The following ENOSF1 variants were observed in gnomAD, a reference collection of about 807,000 sequenced individuals.
ENOSF1 encodes the protein enolase superfamily member 1.
ENOSF1 carries 73 observed loss-of-function variants against 68.2 expected under a neutral mutation model. The observed-to-expected ratio is 1.07, with a 90% CI of 0.89 to 1.30. The LOEUF (loss-of-function observed/expected upper bound fraction) is 1.30, where lower values mean the gene tolerates loss of function less well. ENOSF1 is among the 50% of genes most tolerant of loss of function. The probability of loss-of-function intolerance (pLI) is 0.00; values close to 1 mark genes in which losing one functional copy is unlikely to be tolerated. For missense variants in ENOSF1, 589 were observed against 554.5 expected, an observed-to-expected ratio of 1.06 and a Z score of -0.62; for synonymous variants, 223 against 210.4, an observed-to-expected ratio of 1.06 and a Z score of -0.52.
intron 1 of ENOSF1, among the ~76,000 whole-genome samples, chr18:709,674 G>A (rs369928858): frequency 6.6e-6 from 1 of 152,060 alleles, no homozygotes; most frequent in East Asian, 1.9e-4. Flanking sequence ...CAGAGGCTGA[G>A]GTACGAGAAT....
intron 1 of ENOSF1, chr18:706,815 A>ATTTTTTTTTTTTTTTTTTTT (rs71297337): frequency 7.6e-6 from 1 of 130,946 alleles, no homozygotes; most frequent in Non-Finnish European, 1.6e-5. Flanking sequence ...ATATATATAT[A>ATTTTTTTTTTTTTTTTTTTT]TTTTTTTTTT....
At chr18:692,672 A>T in intron 5 of ENOSF1, 1 of 984,920 alleles carries the variant, frequency 1.0e-6, no homozygotes, top group Non-Finnish European at 1.2e-6. Flanking sequence ...AGGATCCAAA[A>T]ATGGAGGGTC....
At chr18:688,992 A>G (rs1260348058) in intron 8 of ENOSF1, among the ~76,000 whole-genome samples, 1 of 152,170 alleles carries the variant, frequency 6.6e-6, no homozygotes, top group Non-Finnish European at 1.5e-5. Flanking sequence ...AAGGAGAAAC[A>G]GTAATAAATC....
chr18:675,035 C>G (rs1479917770), intron 15 of ENOSF1, among the ~76,000 whole-genome samples: 2 of 152,218 alleles, frequency 1.3e-5, no homozygotes, highest in African/African-American at 4.8e-5. Context: ...AGGTCACTAA[C>G]TTGCTAGATG....
chr18:679,534 C>T (rs1332221035), intron 11 of ENOSF1, among the ~76,000 whole-genome samples: 2 of 148,390 alleles, frequency 1.3e-5, no homozygotes, highest in Admixed American at 6.8e-5. Context: ...TTCCAAAATC[C>T]TCTTCCTTAA....
chr18:681,017 G>A (rs1386347687), intron 11 of ENOSF1, among the ~76,000 whole-genome samples: 1 of 151,950 alleles, frequency 6.6e-6, no homozygotes, highest in Non-Finnish European at 1.5e-5. Flanking sequence ...TCAGAAGATC[G>A]AGACCAGCTA....
At chr18:676,261 G>A (rs1359847919) in intron 14 of ENOSF1, among the ~76,000 whole-genome samples, 3 of 152,152 alleles carry the variant, frequency 2.0e-5, no homozygotes. Context: ...GATATGGTTT[G>A]GATTTGTTTT....
downstream of ENOSF1, among the ~76,000 whole-genome samples, chr18:667,101 AGATGGAGATGGT>A (rs2074851952): frequency 1.1e-4 from 2 of 18,284 alleles, 1 homozygote; most frequent in African/African-American, 7.2e-4. Context: ...ATGGAGATGG[AGATGGAGATGGT>A]GATGGTGATG....
intron 1 of ENOSF1, chr18:707,668 A>C (rs1002146232): frequency 6.6e-6 from 1 of 152,206 alleles, no homozygotes; most frequent in Admixed American, 6.5e-5. Context: ...ATGAAAATTT[A>C]TTACTGTTAT....
chr18:667,499 A>C (rs868607037), downstream of ENOSF1, among the ~76,000 whole-genome samples: 3 of 10,174 alleles, frequency 2.9e-4, 1 homozygote, highest in African/African-American at 2.3e-3. Flanking sequence ...ATGGTGATGG[A>C]GATGGTGATG....
intron 11 of ENOSF1, among the ~76,000 whole-genome samples, chr18:679,208 C>CTTT (rs71174268): frequency 3.2e-5 from 4 of 123,800 alleles, no homozygotes; most frequent in Non-Finnish European, 3.3e-5. Context: ...CCTCTCATAT[C>CTTT]TTTTTTTTTT....
chr18:680,380 C>T (rs11873007), intron 11 of ENOSF1, among the ~76,000 whole-genome samples: 58,770 of 152,052 alleles, frequency 0.39, 12,449 homozygotes, highest in African/African-American at 0.57. Flanking sequence ...AAGGGAGAAA[C>T]GGAGGAAGGG....
In ENOSF1 at chr18:672,889, G is replaced by C. The variant is rs970583280; in HGVS notation, c.*1416C>G. On this transcript the variant is annotated 3_prime_UTR_variant, in exon 16 of 16. Coordinates refer to ENST00000647584, the MANE Select transcript of ENOSF1 (RefSeq NM_017512.7). ...AGCGAGAACCCAGACCTTTCCCAAA[G>C]CTCAGGATTCTTCGAAAAGTTGAGA... is the stretch of plus-strand genomic sequence containing the variant. 1 of 1,594,120 alleles carries C rather than the reference G, an allele frequency of 6.3e-7. No individual in the cohort carries two copies. The highest frequency in any genetic ancestry group is 8.6e-7 in the Non-Finnish European group (1 of 1,164,526).
At chr18:694,992 A>G (rs1294968513) in intron 3 of ENOSF1, among the ~76,000 whole-genome samples, 2 of 152,200 alleles carry the variant, frequency 1.3e-5, no homozygotes, top group African/African-American at 2.4e-5. Flanking sequence ...TAGTACAATA[A>G]TCACACTCAG....
At position 690,468 on chromosome 18, in the gene ENOSF1, A is replaced by T. The variant is rs1251003049; in HGVS notation, c.618+81T>A. The T allele has an allele frequency of 4.1e-6, 6 of 1,468,940 alleles. No individual in the cohort carries two copies. The African/African-American group carries it at 8.3e-5, about 20-fold the overall frequency. 91.0% of individuals were successfully genotyped at this position (1,468,940 alleles called of 1,614,324 possible). On this transcript the variant is annotated intron_variant, in intron 8 of 15. Transcript: ENST00000647584. ...CTGGTGTCAGAAGTGAGGTACTGAG[A>T]GTAGTGGTATGAGGACAGAAGGAAA...
At chr18:691,498 A>G in intron 5 of ENOSF1, 1 of 505,422 alleles carries the variant, frequency 2.0e-6, no homozygotes. Flanking sequence ...GGTATGTGCC[A>G]CTATGCCCGG....
Position 673,995 on chromosome 18 carries a change from T to C in ENOSF1, c.*310A>G, listed in dbSNP as rs1059384. The C allele has an allele frequency of 0.39, 79,980 of 207,324 alleles. 16,879 individuals are homozygous for C. The highest frequency in any genetic ancestry group is 0.69 in the East Asian group (5,648 of 8,170). 12.8% of individuals were successfully genotyped at this position (207,324 alleles called of 1,614,324 possible). A position where few individuals can be genotyped will look rare whatever the true frequency, so the allele number is the denominator to read the frequency against. Reference sequence around the variant, plus strand: ...AATTATTCCAACAAGTTATGCAACATGTTGCTTATTTTCAAATTACAGTTT... The same window carrying C: ...AATTATTCCAACAAGTTATGCAACACGTTGCTTATTTTCAAATTACAGTTT... On this transcript the variant is annotated 3_prime_UTR_variant, in exon 16 of 16. Coordinates refer to ENST00000647584, the MANE Select transcript of ENOSF1 (RefSeq NM_017512.7).
Position 712,592 on chromosome 18 carries a change from C to G in ENOSF1, c.-5G>C. ...GGAGATCCTGCCGCGCACCATGGCC[C>G]CTGCGCCCCGTGGCCGCGGCCCCCG... On this transcript the variant is annotated 5_prime_UTR_variant, in exon 1 of 16. Transcript: ENST00000647584. The G allele has an allele frequency of 2.6e-6, 4 of 1,533,994 alleles. No homozygotes were observed. The highest frequency in any genetic ancestry group is 1.7e-6 in the Non-Finnish European group (2 of 1,144,282).
At position 675,378 on chromosome 18, in the gene ENOSF1, C is replaced by CAGGT. The variant is rs1418952530; in HGVS notation, c.1169_1172dup (p.His392ProfsTer3). On this transcript the variant is annotated frameshift_variant, in exon 15 of 16. Coordinates refer to ENST00000647584, the MANE Select transcript of ENOSF1 (RefSeq NM_017512.7). LOFTEE classifies it high-confidence loss of function. ...TCACGGGATACTTGAAATGCTCATG[C>CAGGT]AGGTGGTCAACATACTCACACACCC... is the stretch of plus-strand genomic sequence containing the variant. 6 of 1,613,100 alleles carry CAGGT rather than the reference C, an allele frequency of 3.7e-6. No individual in the cohort carries two copies. The highest frequency in any genetic ancestry group is 5.1e-6 in the Non-Finnish European group (6 of 1,179,810).
Sources: gnomAD v4.1 joint callset for allele counts (sites outside exome capture counted in the v4.1 genomes callset) on GRCh38, gnomAD v4.1.1 for gene constraint, MANE v1.5 for transcripts, NCBI Gene and HGNC (gene_info 2026-07-23, HGNC 2026-07-21) for gene names.